Variants in PALLD observed in about 807,000 individuals in gnomAD.
PALLD encodes the protein palladin, cytoskeletal associated protein, also known as palladin.
PALLD carries 61 observed loss-of-function variants against 123.5 expected under a neutral mutation model. That is an observed-to-expected ratio of 0.49 (90% CI 0.40 to 0.61). The LOEUF (loss-of-function observed/expected upper bound fraction) is 0.61. Ranked by LOEUF, PALLD falls within the 20% of genes least tolerant of loss-of-function variation. The pLI is 0.00. For missense variants in PALLD, 1,273 were observed against 1,377.0 expected (o/e 0.92, Z 1.20); for synonymous variants, 465 against 496.4 (o/e 0.94, Z 0.84).
intron 2 of PALLD, among the ~76,000 whole-genome samples, chr4:168,520,283 G>A (rs1580103222): frequency 2.1e-5 from 3 of 142,452 alleles, no homozygotes; most frequent in South Asian, 2.2e-4. Context: ...CCAAGATGGC[G>A]CCACTGCACT....
chr4:168,690,006 A>G (rs1181294610), intron 6 of PALLD, among the ~76,000 whole-genome samples: 2 of 152,200 alleles, frequency 1.3e-5, no homozygotes, highest in Non-Finnish European at 2.9e-5. Context: ...GGAGCAAAGA[A>G]GGAGGAAATG....
intron 3 of PALLD, among the ~76,000 whole-genome samples, chr4:168,678,896 GGTGTGTATGTGTGGT>G (rs1419395055): frequency 8.2e-5 from 12 of 147,124 alleles, no homozygotes; most frequent in South Asian, 2.2e-4. Flanking sequence ...GGTGTGGTGA[GGTGTGTATGTGTGGT>G]GTGTGTATGT....
intron 10 of PALLD, among the ~76,000 whole-genome samples, chr4:168,762,178 A>C (rs1430564873): frequency 1.3e-5 from 2 of 152,184 alleles, no homozygotes; most frequent in Non-Finnish European, 2.9e-5. Flanking sequence ...AAAACACATA[A>C]AAATGCCATT....
At chr4:168,706,527 A>G (rs1784248560) in intron 8 of PALLD, among the ~76,000 whole-genome samples, 1 of 152,206 alleles carries the variant, frequency 6.6e-6, no homozygotes, top group African/African-American at 2.4e-5. Context: ...CGTAGTCCTC[A>G]GATCTTTCCT....
At position 168,903,700 on chromosome 4, in the gene PALLD, C is replaced by G; in HGVS notation, c.2473-57C>G. ...CCACACTGTTACTATTTTCAGTTCT[C>G]CAAATAGAGTAGGAATACACAAACT... On this transcript the variant is annotated intron_variant, in intron 14 of 21. Coordinates refer to ENST00000505667, the MANE Select transcript of PALLD (RefSeq NM_001166108.2). 6 of 1,415,164 alleles carry G rather than the reference C, an allele frequency of 4.2e-6. No individual in the cohort carries two copies. In the South Asian group the frequency reaches 5.8e-5, roughly 14 times the overall value. The allele number at this position is 1,415,164 out of a possible 1,614,324, so 87.7% of individuals were successfully genotyped here.
chr4:168,709,877 G>C (rs1784670231), intron 9 of PALLD, among the ~76,000 whole-genome samples: 1 of 152,000 alleles, frequency 6.6e-6, no homozygotes, highest in African/African-American at 2.4e-5. Flanking sequence ...GGAAACGATG[G>C]AGCTGGTTTC....
At chr4:168,548,171 A>T (rs1766359915) in intron 2 of PALLD, among the ~76,000 whole-genome samples, 1 of 152,296 alleles carries the variant, frequency 6.6e-6, no homozygotes, top group South Asian at 2.1e-4. Flanking sequence ...AGACAAAAGG[A>T]TCTTATCTAA....
At chr4:168,642,303 C>T (rs915369517) in intron 2 of PALLD, among the ~76,000 whole-genome samples, 3 of 152,170 alleles carry the variant, frequency 2.0e-5, no homozygotes, top group Non-Finnish European at 2.9e-5. Flanking sequence ...GGGACGCAAC[C>T]GAACTCCCAG....
At chr4:168,592,021 T>TTC (rs1771486538) in intron 2 of PALLD, among the ~76,000 whole-genome samples, 1 of 150,514 alleles carries the variant, frequency 6.6e-6, no homozygotes, top group African/African-American at 2.4e-5. Flanking sequence ...ATTATGGATT[T>TTC]TTTTTTTTTT....
chr4:168,876,954 T>TA (rs1389777441), intron 10 of PALLD, among the ~76,000 whole-genome samples: 1 of 152,206 alleles, frequency 6.6e-6, no homozygotes, highest in Admixed American at 6.5e-5. Flanking sequence ...ATTTCAGAAA[T>TA]AAAAATTTGA....
chr4:168,627,836 G>A (rs564243866), intron 2 of PALLD, among the ~76,000 whole-genome samples: 2 of 152,202 alleles, frequency 1.3e-5, no homozygotes, highest in South Asian at 4.1e-4. Context: ...CCACAACAAA[G>A]GAAATAGAAT....
chr4:168,782,639 G>T (rs1736082069), intron 10 of PALLD, among the ~76,000 whole-genome samples: 1 of 152,162 alleles, frequency 6.6e-6, no homozygotes, highest in Non-Finnish European at 1.5e-5. Context: ...GCCGGTCACG[G>T]TGGCTCATGA....
At chr4:168,810,224 C>T (rs181467573) in intron 10 of PALLD, among the ~76,000 whole-genome samples, 1 of 151,828 alleles carries the variant, frequency 6.6e-6, no homozygotes, top group Admixed American at 6.6e-5. Flanking sequence ...ATATATAGAC[C>T]ATGTTTTTAA....
intron 10 of PALLD, among the ~76,000 whole-genome samples, chr4:168,756,736 G>A (rs1429814988): frequency 6.6e-6 from 1 of 152,180 alleles, no homozygotes; most frequent in East Asian, 1.9e-4. Flanking sequence ...TGTCAAGTAG[G>A]CAGCTCGAAA....
At chr4:168,744,077 GTA>G (rs1225880129) in intron 10 of PALLD, among the ~76,000 whole-genome samples, 2 of 152,142 alleles carry the variant, frequency 1.3e-5, no homozygotes, top group Non-Finnish European at 2.9e-5. Flanking sequence ...CTAGAAGCCA[GTA>G]AAGTCCTGTC....
chr4:168,778,943 G>A (rs888894030), intron 10 of PALLD, among the ~76,000 whole-genome samples: 1 of 152,242 alleles, frequency 6.6e-6, no homozygotes, highest in East Asian at 1.9e-4. Flanking sequence ...TTATAGGCAT[G>A]AGCCACCGTC....
At chr4:168,575,539 C>A (rs1244202810) in intron 2 of PALLD, among the ~76,000 whole-genome samples, 1 of 151,994 alleles carries the variant, frequency 6.6e-6, no homozygotes, top group Non-Finnish European at 1.5e-5. Flanking sequence ...GGACACAGAG[C>A]CAAACCATAT....
intron 10 of PALLD, among the ~76,000 whole-genome samples, chr4:168,798,972 A>G (rs531618808): frequency 1.3e-5 from 2 of 152,226 alleles, no homozygotes; most frequent in Non-Finnish European, 2.9e-5. Context: ...CGAATCATGA[A>G]TCGGGCAGCC....
At chr4:168,717,660 T>C (rs1785493618) in intron 10 of PALLD, among the ~76,000 whole-genome samples, 1 of 152,170 alleles carries the variant, frequency 6.6e-6, no homozygotes, top group African/African-American at 2.4e-5. Flanking sequence ...TGATCTGCCT[T>C]TCACCTAGAT....
Sources: gnomAD v4.1 joint callset for allele counts (sites outside exome capture counted in the v4.1 genomes callset) on GRCh38, gnomAD v4.1.1 for gene constraint, MANE v1.5 for transcripts, NCBI Gene and HGNC (gene_info 2026-07-23, HGNC 2026-07-21) for gene names.